Variants in MAP2K6 observed in about 807,000 individuals in gnomAD.
The protein encoded by MAP2K6 is dual specificity mitogen-activated protein kinase kinase 6.
Under a neutral mutation model 53.7 loss-of-function variants are expected in MAP2K6, and 16 were observed. That is an observed-to-expected ratio of 0.30 (90% CI 0.20 to 0.45). MAP2K6 has a LOEUF of 0.45. Ranked by LOEUF, MAP2K6 falls within the 20% of genes least tolerant of loss-of-function variation. MAP2K6 has a pLI of 1.00. For missense variants in MAP2K6, 204 were observed against 411.9 expected, an observed-to-expected ratio of 0.50 and a Z score of 4.37; for synonymous variants, 132 against 143.1, an observed-to-expected ratio of 0.92 and a Z score of 0.55.
chr17:69,475,129 C>T (rs1203740597), intron 1 of MAP2K6, among the ~76,000 whole-genome samples: 1 of 149,934 alleles, frequency 6.7e-6, no homozygotes, highest in Non-Finnish European at 1.5e-5. Flanking sequence ...TCCTGGAAAC[C>T]TCTTGTTCTT....
At position 69,517,601 on chromosome 17, in the gene MAP2K6, C is replaced by T. The variant is rs1185367351; in HGVS notation, c.234C>T (p.Ile78=). 6.3e-7 allele frequency: 1 copy of T among 1,599,046 alleles called. No homozygotes were observed. Among genetic ancestry groups the T allele is most frequent in the Non-Finnish European group, 8.5e-7 (1 of 1,171,210 alleles). ...EKMRHVPSGQ[I]MAVKRIRATV... ...TGCGGCACGTGCCCAGCGGGCAGAT[C>T]ATGGCAGTGAAGGTAGAGTTGACAT... The change falls in exon 4 of 12, where the codon ATC becomes ATT. Residue 78 remains isoleucine (I), a synonymous_variant. Coordinates refer to ENST00000590474, the MANE Select transcript of MAP2K6 (RefSeq NM_002758.4).
In MAP2K6 at chr17:69,520,252, G is replaced by A; in HGVS notation, c.367-18G>A. ...TTTTTCATCCTTTTAAACAATTCCTGAAACAATTGGTCTCCAGGGTGATGT... is the reference window on the plus strand; with the variant it reads ...TTTTTCATCCTTTTAAACAATTCCTAAAACAATTGGTCTCCAGGGTGATGT... On this transcript the variant is annotated intron_variant, in intron 5 of 11. Coordinates refer to ENST00000590474, the MANE Select transcript of MAP2K6 (RefSeq NM_002758.4). 7.9e-7 allele frequency: 1 copy of A among 1,270,998 alleles called. No individual in the cohort carries two copies. The highest frequency in any genetic ancestry group is 1.1e-6 in the Non-Finnish European group (1 of 896,238). The allele number at this position is 1,270,998 out of a possible 1,614,324, so 78.7% of individuals were successfully genotyped here. A position where few individuals can be genotyped will look rare whatever the true frequency, so the allele number is the denominator to read the frequency against.
intron 10 of MAP2K6, among the ~76,000 whole-genome samples, chr17:69,527,097 G>C (rs1910814725): frequency 6.6e-6 from 1 of 152,158 alleles, no homozygotes; most frequent in Non-Finnish European, 1.5e-5. Flanking sequence ...CCAAACAGAA[G>C]GAACATCATT....
At chr17:69,485,579 G>A (rs1908503911) in intron 1 of MAP2K6, 2 of 376,798 alleles carry the variant, frequency 5.3e-6, no homozygotes, top group Non-Finnish European at 7.3e-6. Context: ...GGACCCCATG[G>A]GAAATCTTGG....
chr17:69,522,824 G>T (rs1910548526), intron 7 of MAP2K6, among the ~76,000 whole-genome samples: 1 of 151,682 alleles, frequency 6.6e-6, no homozygotes, highest in Non-Finnish European at 1.5e-5. Context: ...GGGAGGTGGG[G>T]TGGGAGGACT....
chr17:69,450,610 T>C (rs1000644466), intron 1 of MAP2K6, among the ~76,000 whole-genome samples: 5 of 152,220 alleles, frequency 3.3e-5, no homozygotes, highest in African/African-American at 9.6e-5. Flanking sequence ...GTCAAACTTA[T>C]GATTCACATT....
intron 1 of MAP2K6, among the ~76,000 whole-genome samples, chr17:69,458,573 ACT>A (rs1181570829): frequency 6.6e-6 from 1 of 152,088 alleles, no homozygotes; most frequent in African/African-American, 2.4e-5. Flanking sequence ...ATTAGTGTTA[ACT>A]CTGTTGTGGT....
rs1911936093 is a variant in MAP2K6 at position 69,547,858 on chromosome 17, T to C, written c.*6105T>C. On this transcript the variant is annotated 3_prime_UTR_variant, in exon 12 of 12. Transcript: ENST00000590474. ...TGGCTTAGGTTATTTGCATTTTCTT[T>C]CTTTCTTTCTGTAGTGTGGTTTATA... The C allele has an allele frequency of 6.6e-6, 1 of 152,240 alleles. No individual in the cohort carries two copies. Among genetic ancestry groups the C allele is most frequent in the Non-Finnish European group, 1.5e-5 (1 of 68,038 alleles). The allele number at this position is 152,240 out of a possible 1,614,324, so 9.4% of individuals were successfully genotyped here.
chr17:69,512,328 G>GGTTTTT (rs1909867833), intron 2 of MAP2K6, among the ~76,000 whole-genome samples: 1 of 75,184 alleles, frequency 1.3e-5, no homozygotes, highest in Admixed American at 1.6e-4. Flanking sequence ...CTTTCTAAGT[G>GGTTTTT]TTTTTTTTTT....
chr17:69,416,154 G>A (rs929901523), intron 1 of MAP2K6, among the ~76,000 whole-genome samples: 7 of 152,320 alleles, frequency 4.6e-5, no homozygotes, highest in Admixed American at 3.9e-4. Context: ...GTAAGACATG[G>A]TGAAATTAAA....
intron 4 of MAP2K6, 56 bp downstream of exon 4, chr17:69,517,669 C>A: frequency 8.2e-7 from 1 of 1,213,892 alleles, no homozygotes; most frequent in Non-Finnish European, 1.1e-6. Flanking sequence ...ATTTGTCCAC[C>A]TCAATTGTCA....
rs1314985519 is a variant in MAP2K6 at position 69,541,693 on chromosome 17, C to T, written c.945C>T (p.Thr315=). The change falls in exon 12 of 12, where the codon ACC becomes ACT. Residue 315 remains threonine (T), a synonymous_variant. Transcript: ENST00000590474. The part of the protein sequence containing the change: ...YPELMQHPFF[T]LHESKGTDVA... Reference sequence around the variant, plus strand: ...TTTTCCAGCAACATCCATTTTTCACCCTACATGAATCCAAAGGAACAGATG... The same window carrying T: ...TTTTCCAGCAACATCCATTTTTCACTCTACATGAATCCAAAGGAACAGATG... The T allele has an allele frequency of 6.2e-7, 1 of 1,611,978 alleles. No homozygotes were observed.
chr17:69,496,021 C>A (rs926023518), intron 1 of MAP2K6, among the ~76,000 whole-genome samples: 3 of 151,756 alleles, frequency 2.0e-5, no homozygotes, highest in African/African-American at 7.3e-5. Context: ...CTTTTAGGTT[C>A]TTTTAAGAAC....
At chr17:69,438,452 G>A (rs1184238267) in intron 1 of MAP2K6, among the ~76,000 whole-genome samples, 1 of 152,190 alleles carries the variant, frequency 6.6e-6, no homozygotes, top group Non-Finnish European at 1.5e-5. Context: ...TACTTTCAGT[G>A]AATTGTGAGG....
At chr17:69,501,068 C>T (rs565395864) in intron 1 of MAP2K6, among the ~76,000 whole-genome samples, 1 of 152,270 alleles carries the variant, frequency 6.6e-6, no homozygotes, top group South Asian at 2.1e-4. Context: ...AGCCTAGATG[C>T]AAGTAGTAAG....
intron 1 of MAP2K6, among the ~76,000 whole-genome samples, chr17:69,457,791 T>C (rs1036273141): frequency 1.3e-5 from 2 of 152,098 alleles, no homozygotes; most frequent in African/African-American, 4.8e-5. Context: ...CAGAGTGAGA[T>C]GCTGTCTCAA....
chr17:69,473,230 A>G (rs2145183132), intron 1 of MAP2K6, among the ~76,000 whole-genome samples: 1 of 152,362 alleles, frequency 6.6e-6, no homozygotes, highest in East Asian at 1.9e-4. Context: ...ATGTTAAGTG[A>G]GTACTTAACT....
intron 1 of MAP2K6, among the ~76,000 whole-genome samples, chr17:69,500,563 T>G (rs904885456): frequency 1.1e-4 from 17 of 150,732 alleles, no homozygotes; most frequent in African/African-American, 3.9e-4. Flanking sequence ...AAGACCAGCC[T>G]GACCAACATG....
At chr17:69,471,602 C>T (rs776795439) in intron 1 of MAP2K6, among the ~76,000 whole-genome samples, 1 of 151,986 alleles carries the variant, frequency 6.6e-6, no homozygotes, top group African/African-American at 2.4e-5. Flanking sequence ...CACTGGAAGC[C>T]CAAACCTCAT....
Sources: gnomAD v4.1 joint callset for allele counts (sites outside exome capture counted in the v4.1 genomes callset) on GRCh38, gnomAD v4.1.1 for gene constraint, MANE v1.5 for transcripts, NCBI Gene and HGNC (gene_info 2026-07-23, HGNC 2026-07-21) for gene names.